PCLO: variants seen among roughly 807,000 people sequenced by gnomAD.
PCLO encodes protein piccolo.
PCLO carries 82 observed loss-of-function variants against 427.5 expected under a neutral mutation model. That is an observed-to-expected ratio of 0.19 (90% confidence interval 0.16 to 0.23). PCLO has a LOEUF of 0.23. PCLO is among the 10% of genes least tolerant of loss of function. The pLI is 1.00. For synonymous variants in PCLO, 2,357 were observed against 2,155.4 expected (o/e 1.09, Z -2.59); for missense variants, 6,239 against 6,115.9 (o/e 1.02, Z -0.67).
intron 3 of PCLO, among the ~76,000 whole-genome samples, chr7:83,021,061 CAG>C (rs890978162): frequency 6.6e-6 from 1 of 152,112 alleles, no homozygotes; most frequent in Non-Finnish European, 1.5e-5. Flanking sequence ...TGAAGAAACC[CAG>C]AAGAGACTGA....
At chr7:82,978,007 A>T (rs1002724948) in intron 3 of PCLO, among the ~76,000 whole-genome samples, 4 of 152,252 alleles carry the variant, frequency 2.6e-5, no homozygotes, top group South Asian at 4.1e-4. Context: ...ATCTTTTAAA[A>T]TCAAAGTATT....
chr7:82,891,691 T>C (rs188155551), intron 9 of PCLO, among the ~76,000 whole-genome samples: 260 of 152,214 alleles, frequency 1.7e-3, no homozygotes, highest in Non-Finnish European at 2.6e-3. Flanking sequence ...ATAGCTCTTA[T>C]TATTTTGAGA....
intron 3 of PCLO, among the ~76,000 whole-genome samples, chr7:83,077,316 C>T (rs1011554962): frequency 6.6e-6 from 1 of 151,974 alleles, no homozygotes; most frequent in Admixed American, 6.6e-5. Context: ...GCAAAGGGCT[C>T]GTTCTTAGTC....
At chr7:83,000,523 T>C (rs1054994871) in intron 3 of PCLO, among the ~76,000 whole-genome samples, 10 of 151,978 alleles carry the variant, frequency 6.6e-5, no homozygotes, top group African/African-American at 2.2e-4. Context: ...ATGTGCGGGA[T>C]GTGGGGGATG....
intron 9 of PCLO, among the ~76,000 whole-genome samples, chr7:82,890,104 T>G (rs1793722881): frequency 6.6e-6 from 1 of 151,850 alleles, no homozygotes; most frequent in Admixed American, 6.6e-5. Context: ...AGAAAAAGGT[T>G]GAGAATGATA....
intron 22 of PCLO, among the ~76,000 whole-genome samples, chr7:82,776,660 T>C (rs993705011): frequency 1.3e-5 from 2 of 152,100 alleles, no homozygotes; most frequent in African/African-American, 4.8e-5. Flanking sequence ...CTGGCTGTGA[T>C]GGCGTGCGCC....
intron 3 of PCLO, among the ~76,000 whole-genome samples, chr7:83,033,046 G>A (rs369583145): frequency 3.3e-5 from 5 of 151,888 alleles, no homozygotes; most frequent in East Asian, 1.9e-4. Flanking sequence ...TGGCATTTTC[G>A]CCTACTCACC....
intron 9 of PCLO, among the ~76,000 whole-genome samples, chr7:82,898,035 T>C (rs1793948423): frequency 6.6e-6 from 1 of 151,516 alleles, no homozygotes; most frequent in South Asian, 2.1e-4. Context: ...AATACTTTAT[T>C]AAAAATAACT....
intron 10 of PCLO, among the ~76,000 whole-genome samples, chr7:82,854,481 A>T (rs1046462134): frequency 6.6e-6 from 1 of 152,166 alleles, no homozygotes; most frequent in African/African-American, 2.4e-5. Context: ...CTCATTAAAA[A>T]TTTTAATGCA....
At chr7:83,002,489 A>G (rs6978055) in intron 3 of PCLO, among the ~76,000 whole-genome samples, 39,823 of 151,604 alleles carry the variant, frequency 0.26, 6,578 homozygotes, top group East Asian at 0.59. Context: ...CAATTTTTAC[A>G]TACTCTAAAA....
At chr7:83,150,403 G>A (rs1387706695) in intron 2 of PCLO, among the ~76,000 whole-genome samples, 1 of 152,158 alleles carries the variant, frequency 6.6e-6, no homozygotes, top group Non-Finnish European at 1.5e-5. Context: ...GATTCTTAAG[G>A]TTTGTTTGGA....
chr7:83,026,342 T>A (rs1788496616), intron 3 of PCLO, among the ~76,000 whole-genome samples: 1 of 151,324 alleles, frequency 6.6e-6, no homozygotes, highest in Non-Finnish European at 1.5e-5. Context: ...CCAACAAAGA[T>A]CAAAAGAGAC....
intron 3 of PCLO, among the ~76,000 whole-genome samples, chr7:83,038,009 A>ATATATT (rs1788844839): frequency 2.3e-5 from 1 of 43,346 alleles, no homozygotes; most frequent in African/African-American, 1.5e-4. Context: ...ATATATATAT[A>ATATATT]TATATATATA....
chr7:83,053,204 T>C (rs1358284025), intron 3 of PCLO, among the ~76,000 whole-genome samples: 2 of 151,950 alleles, frequency 1.3e-5, no homozygotes, highest in Admixed American at 6.6e-5. Context: ...CCTTTTTTCA[T>C]CTAGACAATT....
chr7:83,106,910 T>C (rs1453055848), intron 3 of PCLO, among the ~76,000 whole-genome samples: 3 of 151,908 alleles, frequency 2.0e-5, no homozygotes, highest in Non-Finnish European at 2.9e-5. Context: ...GTAAGAAAAA[T>C]ATTTAATTTT....
intron 22 of PCLO, among the ~76,000 whole-genome samples, chr7:82,767,295 T>C (rs1413430771): frequency 6.6e-6 from 1 of 152,120 alleles, no homozygotes; most frequent in Non-Finnish European, 1.5e-5. Context: ...ATTAAAAGAA[T>C]AAAAATTAAT....
intron 16 of PCLO, among the ~76,000 whole-genome samples, chr7:82,833,397 A>G (rs942732604): frequency 6.6e-5 from 10 of 152,166 alleles, no homozygotes; most frequent in African/African-American, 2.2e-4. Flanking sequence ...TAATTATCCA[A>G]CAGGAAGTAT....
intron 22 of PCLO, among the ~76,000 whole-genome samples, chr7:82,772,333 A>G (rs1790664442): frequency 6.6e-6 from 1 of 152,068 alleles, no homozygotes; most frequent in Admixed American, 6.6e-5. Flanking sequence ...AAAATAAATG[A>G]TTGTCAATCT....
At chr7:82,836,032 T>C (rs1485341093) in intron 15 of PCLO, among the ~76,000 whole-genome samples, 1 of 152,128 alleles carries the variant, frequency 6.6e-6, no homozygotes, top group Non-Finnish European at 1.5e-5. Flanking sequence ...AGGATAGCTT[T>C]AGGTGGGGCA....
Sources: allele counts gnomAD v4.1 joint callset (sites outside exome capture counted in the v4.1 genomes callset), GRCh38; gene constraint gnomAD v4.1.1; transcripts MANE v1.5; gene names NCBI Gene and HGNC (gene_info 2026-07-23, HGNC 2026-07-21).